Variants in CNTNAP5 observed in about 807,000 individuals in gnomAD.
CNTNAP5 encodes contactin-associated protein-like 5.
Under a neutral mutation model 150.2 loss-of-function variants are expected in CNTNAP5, and 72 were observed. The observed-to-expected ratio is 0.48, with a 90% CI of 0.40 to 0.58. The LOEUF (loss-of-function observed/expected upper bound fraction) is 0.58, where lower values mean the gene tolerates loss of function less well. CNTNAP5 is among the 20% of genes least tolerant of loss of function. The pLI is 0.00. For missense variants in CNTNAP5, 1,636 were observed against 1,626.2 expected (o/e 1.01, Z -0.10); for synonymous variants, 672 against 619.8 (o/e 1.08, Z -1.25).
chr2:124,877,513 T>C (rs1160267935), intron 21 of CNTNAP5, among the ~76,000 whole-genome samples: 1 of 152,098 alleles, frequency 6.6e-6, no homozygotes, highest in Non-Finnish European at 1.5e-5. Context: ...AGAAGTCACA[T>C]GACATGACTC....
rs750844269 is a variant in CNTNAP5, at chr2:124,071,366, ATAAAAT to A, written c.82+45641_82+45646del. On this transcript the variant is annotated intron_variant, in intron 1 of 23. Coordinates refer to ENST00000682447, the MANE Select transcript of CNTNAP5 (RefSeq NM_001367498.1). Reference sequence around the variant, plus strand: ...ATAATAAAGATTGGGGCACAAATAAATAAAATTAAAATGAAAACAATGCAAAAAATT... The same window carrying A: ...ATAATAAAGATTGGGGCACAAATAAATAAAATGAAAACAATGCAAAAAATT... Among the ~76,000 whole-genome samples, 6 of 152,054 alleles carry A rather than the reference ATAAAAT, an allele frequency of 3.9e-5. No homozygotes were observed. The South Asian group carries it at 6.2e-4, about 16-fold the overall frequency.
intron 3 of CNTNAP5, among the ~76,000 whole-genome samples, chr2:124,399,326 C>T (rs1339427811): frequency 6.6e-6 from 1 of 152,100 alleles, no homozygotes; most frequent in Non-Finnish European, 1.5e-5. Context: ...CCATAGAGTG[C>T]TAGTTTAAGA....
At chr2:124,715,128 G>A (rs541935109) in intron 13 of CNTNAP5, among the ~76,000 whole-genome samples, 1 of 152,202 alleles carries the variant, frequency 6.6e-6, no homozygotes, top group Admixed American at 6.5e-5. Flanking sequence ...GTTACACAAG[G>A]CAGCTGAACT....
At chr2:124,057,935 T>C (rs1356670157) in intron 1 of CNTNAP5, among the ~76,000 whole-genome samples, 1 of 152,160 alleles carries the variant, frequency 6.6e-6, no homozygotes, top group Non-Finnish European at 1.5e-5. Context: ...AAGTATCTCA[T>C]ATAACCCGTA....
At chr2:124,772,285 C>T (rs771680681) in intron 16 of CNTNAP5, among the ~76,000 whole-genome samples, 6 of 152,232 alleles carry the variant, frequency 3.9e-5, no homozygotes, top group South Asian at 2.1e-4. Context: ...TTGCAGGTAC[C>T]GCCACCTGCA....
At chr2:124,602,746 G>A (rs1558700254) in intron 11 of CNTNAP5, among the ~76,000 whole-genome samples, 1 of 152,142 alleles carries the variant, frequency 6.6e-6, no homozygotes, top group Non-Finnish European at 1.5e-5. Context: ...TGCCACCTCA[G>A]CCTCCCAAAA....
At chr2:124,220,080 C>A (rs1018107006) in intron 1 of CNTNAP5, among the ~76,000 whole-genome samples, 1 of 151,616 alleles carries the variant, frequency 6.6e-6, no homozygotes, top group African/African-American at 2.4e-5. Flanking sequence ...AATTTTCCTG[C>A]AGTTAGTTAA....
chr2:124,177,200 G>A (rs185731648), intron 1 of CNTNAP5, among the ~76,000 whole-genome samples: 2 of 152,230 alleles, frequency 1.3e-5, no homozygotes, highest in African/African-American at 2.4e-5. Context: ...AGGAAAGTTA[G>A]AGTAATATTT....
Position 124,818,459 on chromosome 2 carries a change from GTT to G in CNTNAP5, c.3217+20141_3217+20142del, listed in dbSNP as rs112530743. On this transcript the variant is annotated intron_variant, in intron 19 of 23. Transcript: ENST00000682447. ...AGAGGATGACTTGAGCCCAAGGGGGGTTTGCATGGCTACAGTGAGGTACAATT... is the reference window on the plus strand; with the variant it reads ...AGAGGATGACTTGAGCCCAAGGGGGGTGCATGGCTACAGTGAGGTACAATT... Among the ~76,000 whole-genome samples the G allele has an allele frequency of 1.2e-3, 175 of 151,732 alleles. 1 individual carries two copies. Among genetic ancestry groups the G allele is most frequent in the Middle Eastern group, 3.4e-3 (1 of 294 alleles).
intron 11 of CNTNAP5, among the ~76,000 whole-genome samples, chr2:124,566,814 C>T (rs1542917): frequency 0.98 from 149,243 of 152,266 alleles, 73,224 homozygotes; most frequent in East Asian, 1. Flanking sequence ...CAAGCTTGTG[C>T]CTCACTCTCA....
chr2:124,683,117 C>T (rs553336516), intron 13 of CNTNAP5, among the ~76,000 whole-genome samples: 2 of 152,266 alleles, frequency 1.3e-5, no homozygotes, highest in South Asian at 4.1e-4. Flanking sequence ...TTGGTGTTTA[C>T]TCCTGTTAAT....
chr2:124,660,983 C>T (rs1427775206), intron 13 of CNTNAP5, among the ~76,000 whole-genome samples: 5 of 149,396 alleles, frequency 3.3e-5, no homozygotes, highest in Admixed American at 6.7e-5. Flanking sequence ...AAAAAATTTA[C>T]GCTGTGTAGG....
chr2:124,336,918 T>G (rs1221021729), intron 3 of CNTNAP5, among the ~76,000 whole-genome samples: 1 of 152,136 alleles, frequency 6.6e-6, no homozygotes, highest in Non-Finnish European at 1.5e-5. Flanking sequence ...TCAAATGGTA[T>G]TTCTAGTTCT....
rs199518128 is a variant in CNTNAP5, at chr2:124,194,551, A to AT, written c.83-27151dup. ...TAGAGGCCAGAAAATTATTCTAAAT[A>AT]TTTGAAAATGGTTTACTTCCAATCA... is the stretch of plus-strand genomic sequence containing the variant. On this transcript the variant is annotated intron_variant, in intron 1 of 23. Coordinates refer to ENST00000682447, the MANE Select transcript of CNTNAP5 (RefSeq NM_001367498.1). Among the ~76,000 whole-genome samples, 629 of 151,054 alleles carry AT rather than the reference A, an allele frequency of 4.2e-3. 4 individuals carry two copies. Among genetic ancestry groups the AT allele is most frequent in the Middle Eastern group, 3.5e-3 (1 of 284 alleles).
intron 1 of CNTNAP5, among the ~76,000 whole-genome samples, chr2:124,057,126 G>A (rs1031616587): frequency 6.6e-6 from 1 of 152,014 alleles, no homozygotes; most frequent in African/African-American, 2.4e-5. Context: ...ACCCAGGTAT[G>A]GAATGCCCGT....
At chr2:124,406,212 A>G (rs1444250168) in intron 3 of CNTNAP5, among the ~76,000 whole-genome samples, 3 of 152,370 alleles carry the variant, frequency 2.0e-5, no homozygotes, top group East Asian at 1.9e-4. Context: ...GGTTTTAACT[A>G]AGACCTATCT....
intron 3 of CNTNAP5, among the ~76,000 whole-genome samples, chr2:124,347,261 A>G (rs1292616615): frequency 6.6e-6 from 1 of 152,176 alleles, no homozygotes; most frequent in African/African-American, 2.4e-5. Context: ...ATGACGGGGC[A>G]TCTGGAGAAA....
intron 17 of CNTNAP5, among the ~76,000 whole-genome samples, chr2:124,776,439 A>AT (rs1205653967): frequency 3.9e-5 from 6 of 152,164 alleles, no homozygotes; most frequent in African/African-American, 1.4e-4. Context: ...CCAGGCTGGA[A>AT]GGGAATTATT....
chr2:124,300,546 G>T (rs1322865455), intron 3 of CNTNAP5, among the ~76,000 whole-genome samples: 16 of 152,178 alleles, frequency 1.1e-4, no homozygotes. Flanking sequence ...TCCTTGGTAC[G>T]ATGGAGGAAG....
Sources: gnomAD v4.1 joint callset for allele counts (sites outside exome capture counted in the v4.1 genomes callset) on GRCh38, gnomAD v4.1.1 for gene constraint, MANE v1.5 for transcripts, NCBI Gene and HGNC (gene_info 2026-07-23, HGNC 2026-07-21) for gene names.